MARK2: variants seen among roughly 807,000 people sequenced by gnomAD.
MARK2 encodes the protein serine/threonine-protein kinase MARK2.
MARK2 carries 16 observed loss-of-function variants against 89.8 expected under a neutral mutation model. That is an observed-to-expected ratio of 0.18 (90% CI 0.12 to 0.27). The LOEUF (loss-of-function observed/expected upper bound fraction) is 0.27. MARK2 is among the 10% of genes least tolerant of loss of function. The probability of loss-of-function intolerance (pLI) is 1.00; values close to 1 mark genes in which losing one functional copy is unlikely to be tolerated. For synonymous variants in MARK2, 382 were observed against 399.5 expected (o/e 0.96, Z 0.52); for missense variants, 621 against 1,049.9 (o/e 0.59, Z 5.65).
rs575783427 is a variant in MARK2, at chr11:63,908,205, G to A, written c.1962-55G>A. The stretch of plus-strand genomic sequence containing the variant: ...ACCCACTCTCATCTGGGTCTGTGGC[G>A]GCGGAAGGAGCGAGAGATCCCAGCA... On this transcript the variant is annotated intron_variant, in intron 17 of 18. Transcript: ENST00000402010. 6.0e-6 allele frequency: 9 copies of A among 1,493,438 alleles called. No homozygotes were observed. The South Asian group carries it at 6.0e-5, about 10-fold the overall frequency. 92.5% of individuals were successfully genotyped at this position (1,493,438 alleles called of 1,614,324 possible).
chr11:63,900,722 C>A lies in MARK2; in HGVS notation c.888+44C>A, dbSNP rs1470923282. On this transcript the variant is annotated intron_variant, in intron 9 of 18. Coordinates refer to ENST00000402010, the MANE Select transcript of MARK2 (RefSeq NM_001039469.3). The surrounding 1 kb of genome is among the most constrained non-coding windows in gnomAD (Gnocchi z 4.7). ...CTGGCGGAAGGGCCTGGGGTCCCCACAGAAACTTTCCAGCTGAGTTTCTTC... is the reference window on the plus strand; with the variant it reads ...CTGGCGGAAGGGCCTGGGGTCCCCAAAGAAACTTTCCAGCTGAGTTTCTTC... 6.2e-7 allele frequency: 1 copy of A among 1,613,666 alleles called. No homozygotes were observed. Among genetic ancestry groups the A allele is most frequent in the Non-Finnish European group, 8.5e-7 (1 of 1,179,564 alleles).
At position 63,873,002 on chromosome 11, in the gene MARK2, G is replaced by T. The variant is rs140166605; in HGVS notation, c.55-22157G>T. Among the ~76,000 whole-genome samples, 231 of 149,888 alleles carry T rather than the reference G, an allele frequency of 1.5e-3. 1 individual carries two copies. The highest frequency in any genetic ancestry group is 5.2e-3 in the African/African-American group (213 of 40,754). Reference sequence around the variant, plus strand: ...TCAGCAGTGATCTGGAGGAGATTCCGGGGCGCATGAGTATGTGAACTCTGG... The same window carrying T: ...TCAGCAGTGATCTGGAGGAGATTCCTGGGCGCATGAGTATGTGAACTCTGG... On this transcript the variant is annotated intron_variant, in intron 1 of 18. Transcript: ENST00000402010.
intron 1 of MARK2, among the ~76,000 whole-genome samples, chr11:63,883,603 A>G (rs140304279): frequency 1.1e-3 from 166 of 151,968 alleles, no homozygotes; most frequent in African/African-American, 3.7e-3. Flanking sequence ...CCTTTGAGAC[A>G]GGGTCTTACT....
At chr11:63,845,602 C>T (rs2016238630) in intron 1 of MARK2, among the ~76,000 whole-genome samples, 1 of 152,154 alleles carries the variant, frequency 6.6e-6, no homozygotes, top group African/African-American at 2.4e-5. Flanking sequence ...GGGAGGAAGT[C>T]ACCCTCTTCC....
At chr11:63,906,042 T>C in intron 16 of MARK2, 46 bp from the exon 17 acceptor site, 1 of 1,352,724 alleles carries the variant, frequency 7.4e-7, no homozygotes, top group South Asian at 2.1e-5. Context: ...TTGGTTTTTT[T>C]TTTATTTCTT....
At chr11:63,842,782 C>T (rs1170397085) in intron 1 of MARK2, among the ~76,000 whole-genome samples, 1 of 151,972 alleles carries the variant, frequency 6.6e-6, no homozygotes, top group Non-Finnish European at 1.5e-5. Context: ...CTGGTTTTAC[C>T]AGAAAATAGG....
chr11:63,888,730 T>C, intron 1 of MARK2: 1 of 1,198,040 alleles, frequency 8.3e-7, no homozygotes, highest in Non-Finnish European at 1.1e-6. Context: ...TGCGACACCG[T>C]CCAGGTTCCC....
At position 63,905,981 on chromosome 11, in the gene MARK2, CT is replaced by C. The variant is rs143987997; in HGVS notation, c.1935-105del. ...CGGCTCTTCCGAAAATGGGATGACC[CT>C]TGAACCTGTAAAGCCACCTCCCCCA... On this transcript the variant is annotated intron_variant, in intron 16 of 18. Coordinates refer to ENST00000402010, the MANE Select transcript of MARK2 (RefSeq NM_001039469.3). The C allele has an allele frequency of 3.3e-4, 313 of 953,110 alleles. 2 individuals carry two copies. In the East Asian group the frequency reaches 6.8e-3, roughly 21 times the overall value. The allele number at this position is 953,110 out of a possible 1,614,324, so 59.0% of individuals were successfully genotyped here.
At chr11:63,895,117 G>A in intron 1 of MARK2, 42 bp from the exon 2 acceptor site, 1 of 1,568,850 alleles carries the variant, frequency 6.4e-7, no homozygotes. Context: ...TTAGAGGACT[G>A]GAAGTGTGGC....
chr11:63,885,032 G>C (rs1939310728), intron 1 of MARK2, among the ~76,000 whole-genome samples: 1 of 152,106 alleles, frequency 6.6e-6, no homozygotes, highest in Admixed American at 6.5e-5. Flanking sequence ...GAGAAATCCT[G>C]TCTGTACAAA....
chr11:63,857,754 A>T (rs930428383), intron 1 of MARK2, among the ~76,000 whole-genome samples: 1 of 152,180 alleles, frequency 6.6e-6, no homozygotes, highest in Non-Finnish European at 1.5e-5. Context: ...TTCAAAATGC[A>T]AAGAGTCCTG....
At chr11:63,888,768 T>C (rs1447023174) in intron 1 of MARK2, 1 of 1,231,274 alleles carries the variant, frequency 8.1e-7, no homozygotes, top group Admixed American at 3.0e-5. Context: ...CCTGGCTGCT[T>C]AGCTACTTTT....
chr11:63,909,946 T>C lies in MARK2; in HGVS notation c.*709T>C, dbSNP rs911795663. 2.0e-5 allele frequency: 3 copies of C among 152,798 alleles called. No homozygotes were observed. Among genetic ancestry groups the C allele is most frequent in the Admixed American group, 1.3e-4 (2 of 15,290 alleles). The allele number at this position is 152,798 out of a possible 1,614,324, so 9.5% of individuals were successfully genotyped here. On this transcript the variant is annotated 3_prime_UTR_variant, in exon 19 of 19. Coordinates refer to ENST00000402010, the MANE Select transcript of MARK2 (RefSeq NM_001039469.3). ...CAAGGCTCCGCCTCCCTCCACACTG[T>C]ACCCTCTGCCCCTCCTCCCCAGAGC... is the stretch of plus-strand genomic sequence containing the variant.
chr11:63,895,547 A>G, intron 2 of MARK2, 33 bp from the exon 3 acceptor site: 3 of 1,602,904 alleles, frequency 1.9e-6, no homozygotes, highest in Non-Finnish European at 2.6e-6. Flanking sequence ...CTGGTCAGAG[A>G]AGTGATTTGG....
intron 1 of MARK2, among the ~76,000 whole-genome samples, chr11:63,845,190 A>C (rs749081894): frequency 1.1e-4 from 16 of 152,140 alleles, no homozygotes; most frequent in Non-Finnish European, 2.4e-4. Context: ...ACAAGCCCCT[A>C]TTCCCTCTGC....
At chr11:63,862,698 G>A (rs933959064) in intron 1 of MARK2, among the ~76,000 whole-genome samples, 4 of 152,080 alleles carry the variant, frequency 2.6e-5, no homozygotes, top group Non-Finnish European at 5.9e-5. Context: ...GGAATTTCAA[G>A]AACCCCTTTA....
chr11:63,883,023 T>C (rs953932759), intron 1 of MARK2, among the ~76,000 whole-genome samples: 1 of 152,152 alleles, frequency 6.6e-6, no homozygotes, highest in Admixed American at 6.5e-5. Context: ...TCTCCTGTGA[T>C]ATGGAGGAAC....
rs369865577 is a variant in MARK2 at position 63,862,800 on chromosome 11, T to G, written c.54+23240T>G. Reference sequence around the variant, plus strand: ...GATGGATTTCTAGGTTTGACTATCCTGCTTTGTGGCACCCATGAAATGTTG... The same window carrying G: ...GATGGATTTCTAGGTTTGACTATCCGGCTTTGTGGCACCCATGAAATGTTG... On this transcript the variant is annotated intron_variant, in intron 1 of 18. Coordinates refer to ENST00000402010, the MANE Select transcript of MARK2 (RefSeq NM_001039469.3). Among the ~76,000 whole-genome samples, 10 of 152,286 alleles carry G rather than the reference T, an allele frequency of 6.6e-5. No homozygotes were observed. The East Asian group carries it at 7.7e-4, about 12-fold the overall frequency.
At position 63,909,304 on chromosome 11, in the gene MARK2, C is replaced by G. The variant is rs987714841; in HGVS notation, c.*67C>G. The G allele has an allele frequency of 3.3e-5, 48 of 1,456,458 alleles. No homozygotes were observed. Among genetic ancestry groups the G allele is most frequent in the Non-Finnish European group, 4.4e-5 (48 of 1,097,834 alleles). The allele number at this position is 1,456,458 out of a possible 1,614,324, so 90.2% of individuals were successfully genotyped here. On this transcript the variant is annotated 3_prime_UTR_variant, in exon 19 of 19. Transcript: ENST00000402010. The stretch of plus-strand genomic sequence containing the variant: ...ACGGGCTGCCGGCCGCTGCGCCGCC[C>G]CACCTGGGCGAGACTGCAGCGATGG...
Sources: allele counts gnomAD v4.1 joint callset (sites outside exome capture counted in the v4.1 genomes callset), GRCh38; gene constraint gnomAD v4.1.1; non-coding constraint Gnocchi (gnomAD v3.1); transcripts MANE v1.5; gene names NCBI Gene and HGNC (gene_info 2026-07-23, HGNC 2026-07-21).